The following HVCN1 variants were observed in gnomAD, a reference collection of about 807,000 sequenced individuals.
The protein encoded by HVCN1 is voltage-gated hydrogen channel 1.
In HVCN1, 14 loss-of-function variants were observed where a neutral mutation model predicts 29.2. The observed-to-expected ratio is 0.48, with a 90% CI of 0.32 to 0.75. The LOEUF (loss-of-function observed/expected upper bound fraction) is 0.75, where lower values mean the gene tolerates loss of function less well. Ranked by LOEUF, HVCN1 falls within the 30% of genes least tolerant of loss-of-function variation. HVCN1 has a pLI of 0.04. For synonymous variants in HVCN1, 131 were observed against 133.2 expected (o/e 0.98, Z 0.11); for missense variants, 263 against 341.8 (o/e 0.77, Z 1.82).
chr12:110,677,259 CTCTA>C (rs1407674596), intron 3 of HVCN1, among the ~76,000 whole-genome samples: 1 of 152,006 alleles, frequency 6.6e-6, no homozygotes, highest in Non-Finnish European at 1.5e-5. Flanking sequence ...GTTTTGCACG[CTCTA>C]TCTAGCCTCT....
intron 3 of HVCN1, among the ~76,000 whole-genome samples, chr12:110,681,583 T>G (rs947931819): frequency 6.6e-6 from 1 of 152,228 alleles, no homozygotes; most frequent in Non-Finnish European, 1.5e-5. Flanking sequence ...GACTCTCTTA[T>G]GAAGGATACC....
chr12:110,671,589 G>A (rs1403984013), intron 3 of HVCN1, among the ~76,000 whole-genome samples: 1 of 152,176 alleles, frequency 6.6e-6, no homozygotes, highest in Non-Finnish European at 1.5e-5. Context: ...GCAGCCACAG[G>A]CAACCAGGAC....
chr12:110,668,767 C>T (rs1441063056), intron 3 of HVCN1, among the ~76,000 whole-genome samples: 1 of 152,208 alleles, frequency 6.6e-6, no homozygotes, highest in African/African-American at 2.4e-5. Context: ...CCCCACTGTA[C>T]CCTGATGCTC....
At chr12:110,668,631 G>A (rs982918952) in intron 3 of HVCN1, among the ~76,000 whole-genome samples, 1 of 152,180 alleles carries the variant, frequency 6.6e-6, no homozygotes. Flanking sequence ...AGCTGATACA[G>A]CCGCTTTGTG....
intron 2 of HVCN1, chr12:110,688,415 A>C (rs766146674): frequency 1.3e-5 from 2 of 152,304 alleles, no homozygotes; most frequent in African/African-American, 2.4e-5. Flanking sequence ...GTTCCTCAGC[A>C]TCTCTGTCTC....
At chr12:110,683,472 CTTAT>C in intron 2 of HVCN1, among the ~76,000 whole-genome samples, 1 of 152,288 alleles carries the variant, frequency 6.6e-6, no homozygotes, top group East Asian at 1.9e-4. Context: ...CAAACAAATA[CTTAT>C]TTGTACACGA....
chr12:110,655,209 C>T (rs745552410), intron 5 of HVCN1, 25 bp downstream of exon 5: 3 of 1,562,590 alleles, frequency 1.9e-6, no homozygotes, highest in South Asian at 1.1e-5. Context: ...ATCAGTAAGA[C>T]CCCAGAAGAG....
At chr12:110,682,964 C>CAA (rs374770633) in intron 3 of HVCN1, 2,060 of 304,012 alleles carry the variant, frequency 6.8e-3, no homozygotes, top group East Asian at 0.01. Context: ...AACTCCATCT[C>CAA]AAAAAAAAAA....
At chr12:110,691,626 A>T (rs2069408353), upstream of HVCN1, among the ~76,000 whole-genome samples, 1 of 152,164 alleles carries the variant, frequency 6.6e-6, no homozygotes, top group Non-Finnish European at 1.5e-5. Context: ...CCCGTCCCCT[A>T]GTTGCACACC....
At chr12:110,666,082 A>C (rs192880080) in intron 3 of HVCN1, among the ~76,000 whole-genome samples, 35 of 152,090 alleles carry the variant, frequency 2.3e-4, no homozygotes, top group Middle Eastern at 3.4e-3. Flanking sequence ...CGAAATGAAA[A>C]ATCACTGGAT....
At chr12:110,665,786 C>CA (rs768171197) in intron 3 of HVCN1, among the ~76,000 whole-genome samples, 16 of 152,004 alleles carry the variant, frequency 1.1e-4, no homozygotes, top group Non-Finnish European at 2.2e-4. Context: ...GTGGGCAGAT[C>CA]ACCTGAGGTC....
At chr12:110,650,545 C>T (rs1411744297) in intron 6 of HVCN1, among the ~76,000 whole-genome samples, 1 of 152,154 alleles carries the variant, frequency 6.6e-6, no homozygotes, top group Non-Finnish European at 1.5e-5. Context: ...GGATTCTTAA[C>T]CTAGAACCTG....
intron 3 of HVCN1, among the ~76,000 whole-genome samples, chr12:110,673,673 G>A (rs1163225587): frequency 2.0e-5 from 3 of 152,192 alleles, no homozygotes; most frequent in Non-Finnish European, 4.4e-5. Flanking sequence ...GCTGAAAGGG[G>A]CCAACATACA....
At chr12:110,657,508 G>GAA (rs529473919) in intron 4 of HVCN1, among the ~76,000 whole-genome samples, 67 of 87,168 alleles carry the variant, frequency 7.7e-4, no homozygotes, top group Middle Eastern at 7.6e-3. Context: ...AAAGAAAAAA[G>GAA]AAAAAAAAAA....
chr12:110,650,558 C>T (rs1440705544), intron 6 of HVCN1, among the ~76,000 whole-genome samples: 1 of 152,162 alleles, frequency 6.6e-6, no homozygotes, highest in Non-Finnish European at 1.5e-5. Context: ...AGAACCTGTT[C>T]ACAATCATGT....
In HVCN1 at chr12:110,650,278, T is replaced by C; in HGVS notation, c.646A>G (p.Ile216Val). The change falls in exon 7 of 8, where the codon ATT becomes GTT. Residue 216 changes from isoleucine (I) to valine (V), a missense_variant and splice_region_variant. Coordinates refer to ENST00000242607, the MANE Select transcript of HVCN1 (RefSeq NM_032369.4). ...GAACGTGTCTTAACTGAGATGATAA[T>C]CCCTGAAATAAAATTGGGGGTCTCA... ...LWRVARIING[I>V]IISVKTRSER... The C allele has an allele frequency of 1.9e-6, 3 of 1,598,026 alleles. No individual in the cohort carries two copies. Among genetic ancestry groups the C allele is most frequent in the Non-Finnish European group, 2.6e-6 (3 of 1,165,536 alleles).
chr12:110,674,252 T>C (rs2068675828), intron 3 of HVCN1, among the ~76,000 whole-genome samples: 1 of 152,198 alleles, frequency 6.6e-6, no homozygotes, highest in Admixed American at 6.5e-5. Flanking sequence ...TTTTGGTTAA[T>C]TTCTCCCATT....
intron 3 of HVCN1, among the ~76,000 whole-genome samples, chr12:110,662,456 C>T (rs1379542210): frequency 6.6e-6 from 1 of 152,192 alleles, no homozygotes; most frequent in Non-Finnish European, 1.5e-5. Context: ...AATCCCAGCA[C>T]TCATTCCATG....
At chr12:110,653,568 A>G (rs1240465969) in intron 5 of HVCN1, among the ~76,000 whole-genome samples, 1 of 151,260 alleles carries the variant, frequency 6.6e-6, no homozygotes, top group Non-Finnish European at 1.5e-5. Context: ...TGGGCTGGAC[A>G]CGGTGGCTCT....
Sources: allele counts gnomAD v4.1 joint callset (sites outside exome capture counted in the v4.1 genomes callset), GRCh38; gene constraint gnomAD v4.1.1; transcripts MANE v1.5; gene names NCBI Gene and HGNC (gene_info 2026-07-23, HGNC 2026-07-21).